The following ANXA8 variants were observed in gnomAD, a reference collection of about 807,000 sequenced individuals.
ANXA8 encodes the protein VAC-beta.
A neutral mutation model predicts 26.8 loss-of-function variants in ANXA8; 9 were observed. That is an observed-to-expected ratio of 0.34 (90% CI 0.20 to 0.59). The LOEUF is 0.59. Among genes scored for constraint, ANXA8 ranks in the 20% least tolerant of loss-of-function variants. The pLI is 0.84. For synonymous variants in ANXA8, 39 were observed against 94.8 expected (o/e 0.41, Z 3.42); for missense variants, 83 against 238.5 (o/e 0.35, Z 4.29).
the ANXA8 span, among the ~76,000 whole-genome samples, chr10:47,603,433 G>A: frequency 2.0e-5 from 3 of 149,424 alleles, 1 homozygote; most frequent in African/African-American, 7.7e-5. Context: ...TCTCTTACAG[G>A]TGCAGCTATG....
At chr10:47,589,063 C>A in the ANXA8 span, 1 of 146,248 alleles carries the variant, frequency 6.8e-6, no homozygotes, top group East Asian at 1.9e-4. Context: ...ATCCACCCGC[C>A]TCAGCCACCC....
chr10:47,695,764 A>T, the ANXA8 span, among the ~76,000 whole-genome samples: 1 of 151,702 alleles, frequency 6.6e-6, no homozygotes, highest in Non-Finnish European at 1.5e-5. Context: ...CTTTCTCTTT[A>T]CAGCTCACAC....
chr10:47,670,433 C>G, the ANXA8 span, among the ~76,000 whole-genome samples: 1 of 152,130 alleles, frequency 6.6e-6, no homozygotes, highest in Non-Finnish European at 1.5e-5. Flanking sequence ...TAATGAGGAA[C>G]TGCCAATCTG....
At chr10:47,670,414 T>C in the ANXA8 span, among the ~76,000 whole-genome samples, 1 of 152,220 alleles carries the variant, frequency 6.6e-6, no homozygotes, top group East Asian at 1.9e-4. Flanking sequence ...GGTAATTCTG[T>C]CTTTAACTTA....
chr10:47,484,018 C>T lies in ANXA8; in HGVS notation c.-85G>A, dbSNP rs1379127938. 88 of 1,611,506 alleles carry T rather than the reference C, an allele frequency of 5.5e-5. No individual in the cohort carries two copies. Among genetic ancestry groups the T allele is most frequent in the Non-Finnish European group, 7.0e-5 (83 of 1,179,812 alleles). ...TGGGACTCCACACGTCTGGCTCCTGCAGCTGAGGAGTGAGCAGGCCGCTCA... is the reference window on the plus strand; with the variant it reads ...TGGGACTCCACACGTCTGGCTCCTGTAGCTGAGGAGTGAGCAGGCCGCTCA... On this transcript the variant is annotated 5_prime_UTR_variant, in exon 1 of 12. Transcript: ENST00000585281.
chr10:47,500,599 G>T, the ANXA8 span, among the ~76,000 whole-genome samples: 1 of 101,512 alleles, frequency 9.9e-6, no homozygotes, highest in Non-Finnish European at 2.1e-5. Flanking sequence ...ATACTCATGT[G>T]TTTTTTTTTT....
At chr10:47,952,968 C>T in the ANXA8 span, among the ~76,000 whole-genome samples, 2 of 147,300 alleles carry the variant, frequency 1.4e-5, no homozygotes, top group Non-Finnish European at 3.0e-5. Context: ...TATACCATAA[C>T]TTGAAATGTA....
the ANXA8 span, among the ~76,000 whole-genome samples, chr10:47,617,489 G>A: frequency 1.4e-5 from 2 of 146,670 alleles, no homozygotes; most frequent in African/African-American, 5.2e-5. Context: ...TCTATCTATA[G>A]GCAACTGTTC....
the ANXA8 span, among the ~76,000 whole-genome samples, chr10:47,689,353 T>G: frequency 6.6e-6 from 1 of 151,758 alleles, no homozygotes; most frequent in African/African-American, 2.4e-5. Flanking sequence ...TAATTTTTTG[T>G]TTTTAGTATA....
the ANXA8 span, among the ~76,000 whole-genome samples, chr10:47,989,512 TAA>T: frequency 8.5e-6 from 1 of 117,484 alleles, no homozygotes; most frequent in Non-Finnish European, 1.9e-5. Context: ...TTTTAGAAAA[TAA>T]GTGTTCTGGG....
At chr10:47,695,931 C>T in the ANXA8 span, among the ~76,000 whole-genome samples, 3 of 151,900 alleles carry the variant, frequency 2.0e-5, no homozygotes, top group East Asian at 1.9e-4. Context: ...AGATAATTAT[C>T]GTGCTATTTA....
At chr10:47,745,445 G>A in the ANXA8 span, among the ~76,000 whole-genome samples, 2 of 148,592 alleles carry the variant, frequency 1.3e-5, no homozygotes, top group Admixed American at 1.4e-4. Context: ...GCAGAAAGAT[G>A]GTTTAAAAAA....
chr10:47,945,306 G>A, the ANXA8 span, among the ~76,000 whole-genome samples: 34 of 150,206 alleles, frequency 2.3e-4, no homozygotes, highest in African/African-American at 8.1e-4. Context: ...CTCAGCTGCA[G>A]ACACTCAGCA....
the ANXA8 span, among the ~76,000 whole-genome samples, chr10:47,676,336 C>A: frequency 6.6e-6 from 1 of 151,758 alleles, no homozygotes; most frequent in Admixed American, 6.6e-5. Context: ...TTCAGCAAAT[C>A]CCAAGCAAGT....
chr10:47,541,189 G>A, the ANXA8 span, among the ~76,000 whole-genome samples: 226 of 99,314 alleles, frequency 2.3e-3, no homozygotes, highest in East Asian at 0.011. Flanking sequence ...TTAGCCGGGA[G>A]TGGTGGTGCA....
chr10:47,652,354 T>C, the ANXA8 span, among the ~76,000 whole-genome samples: 6 of 151,892 alleles, frequency 4.0e-5, no homozygotes, highest in South Asian at 1.2e-3. Flanking sequence ...TCCCAGGCTT[T>C]GGGAGGCCGA....
At chr10:47,695,426 G>A in the ANXA8 span, among the ~76,000 whole-genome samples, 1 of 151,506 alleles carries the variant, frequency 6.6e-6, no homozygotes, top group Non-Finnish European at 1.5e-5. Context: ...GAGGCAAGAT[G>A]ACTTCAGATT....
chr10:47,754,978 GAC>G, the ANXA8 span, among the ~76,000 whole-genome samples: 1 of 72,254 alleles, frequency 1.4e-5, no homozygotes, highest in Non-Finnish European at 2.7e-5. Context: ...TTTTTTTTTT[GAC>G]AGAGTCTCGC....
At chr10:47,682,769 C>T in the ANXA8 span, among the ~76,000 whole-genome samples, 6 of 152,048 alleles carry the variant, frequency 3.9e-5, no homozygotes, top group Non-Finnish European at 1.5e-5. Flanking sequence ...TGCACCTGGC[C>T]TCACCCTATT....
Sources: gnomAD v4.1 joint callset for allele counts (sites outside exome capture counted in the v4.1 genomes callset) on GRCh38, gnomAD v4.1.1 for gene constraint, MANE v1.5 for transcripts, NCBI Gene and HGNC (gene_info 2026-07-23, HGNC 2026-07-21) for gene names.